The following ABR variants were observed in gnomAD, a reference collection of about 807,000 sequenced individuals.
ABR encodes ABR activator of RhoGEF and GTPase, also known as active breakpoint cluster region-related protein.
ABR carries 35 observed loss-of-function variants against 107.2 expected under a neutral mutation model. The ratio of observed to expected loss-of-function variants is 0.33; its 90% CI spans 0.25 to 0.43. The LOEUF is 0.43. Ranked by LOEUF, ABR falls within the 20% of genes least tolerant of loss-of-function variation. The pLI is 1.00. For synonymous variants in ABR, 498 were observed against 462.0 expected (o/e 1.08, Z -1.00); for missense variants, 815 against 1,115.2 (o/e 0.73, Z 3.83).
chr17:1,109,767 G>A (rs1029738865), intron 2 of ABR, among the ~76,000 whole-genome samples: 3 of 152,072 alleles, frequency 2.0e-5, no homozygotes, highest in Non-Finnish European at 2.9e-5. Flanking sequence ...GGCCTGACCT[G>A]CCCCCAGGCA....
intron 16 of ABR, among the ~76,000 whole-genome samples, chr17:1,048,872 C>A (rs1322980941): frequency 2.6e-5 from 4 of 152,234 alleles, no homozygotes; most frequent in Non-Finnish European, 5.9e-5. Flanking sequence ...GCCCAACGCC[C>A]GAGGCTCAAC....
At chr17:1,180,365 C>T (rs2042094285), upstream of ABR, among the ~76,000 whole-genome samples, 1 of 152,170 alleles carries the variant, frequency 6.6e-6, no homozygotes, top group Non-Finnish European at 1.5e-5. Context: ...GGCCCCTCCC[C>T]AGCCAGACCC....
At position 1,011,694 on chromosome 17, in the gene ABR, G is replaced by A. The variant is rs1054277860; in HGVS notation, c.2101+152C>T. 1.2e-5 allele frequency: 11 copies of A among 904,352 alleles called. No homozygotes were observed. In the African/African-American group the frequency reaches 1.7e-4, roughly 14 times the overall value. The allele number at this position is 904,352 out of a possible 1,614,324, so 56.0% of individuals were successfully genotyped here. ...AAGGGACAAGAGATTGGAGGGGAGG[G>A]GATTACAAGAGAAAGCACTTGCCAC... On this transcript the variant is annotated intron_variant, in intron 19 of 22. Transcript: ENST00000302538. The surrounding 1 kb of genome is among the most constrained non-coding windows in gnomAD (Gnocchi z 4.8).
At chr17:1,067,695 A>G (rs1251789669) in intron 9 of ABR, among the ~76,000 whole-genome samples, 1 of 152,174 alleles carries the variant, frequency 6.6e-6, no homozygotes, top group Non-Finnish European at 1.5e-5. Flanking sequence ...ATGGGTCAAC[A>G]CTGGGTGGAG....
At chr17:1,028,246 A>G (rs1199789569) in intron 16 of ABR, among the ~76,000 whole-genome samples, 9 of 145,550 alleles carry the variant, frequency 6.2e-5, no homozygotes, top group Non-Finnish European at 9.0e-5. Flanking sequence ...GCCCGCCACC[A>G]TGCCCGGCTA....
intron 16 of ABR, among the ~76,000 whole-genome samples, chr17:1,021,579 G>A (rs2071643444): frequency 6.6e-6 from 1 of 152,148 alleles, no homozygotes; most frequent in Admixed American, 6.5e-5. Context: ...GCCGAGGCGG[G>A]CGGATCACAA....
At position 1,078,850 on chromosome 17, in the gene ABR, G is replaced by C. The variant is rs1402852405; in HGVS notation, c.700+480C>G. 2 of 1,535,514 alleles carry C rather than the reference G, an allele frequency of 1.3e-6. No homozygotes were observed. The highest frequency in any genetic ancestry group is 1.7e-6 in the Non-Finnish European group (2 of 1,146,846). ...TTACAGCAGAAGCGAATAATGAGGA[G>C]AATCTCCATGGCAGCCTCTGTCCCC... On this transcript the variant is annotated intron_variant, in intron 6 of 22. Coordinates refer to ENST00000302538, the MANE Select transcript of ABR (RefSeq NM_021962.5). This position sits in a 1 kb window ranked among gnomAD's most constrained non-coding sequence, Gnocchi z 7.5.
chr17:1,027,502 T>G lies in ABR; in HGVS notation c.1792-14338A>C, dbSNP rs1023732882. On this transcript the variant is annotated intron_variant, in intron 16 of 22. Coordinates refer to ENST00000302538, the MANE Select transcript of ABR (RefSeq NM_021962.5). The surrounding 1 kb of genome is among the most constrained non-coding windows in gnomAD (Gnocchi z 4.7). ...GGACTCAAGCAAGCCTCTTGGGAGC[T>G]GGCCTGGCAGAGAGATCAGAGAGTA... 2.0e-5 allele frequency among the ~76,000 whole-genome samples: 3 copies of G among 152,186 alleles called. No homozygotes were observed. Among genetic ancestry groups the G allele is most frequent in the African/African-American group, 7.2e-5 (3 of 41,434 alleles).
rs1323645410 is a variant in ABR, at chr17:1,011,612, G to A, written c.2101+234C>T. 5.0e-6 allele frequency: 2 copies of A among 403,500 alleles called. No individual in the cohort carries two copies. Among genetic ancestry groups the A allele is most frequent in the Admixed American group, 4.1e-5 (1 of 24,434 alleles). The allele number at this position is 403,500 out of a possible 1,614,324, so 25.0% of individuals were successfully genotyped here. ...TCCAGAACCAAAACCTACAAGTTGG[G>A]TCATCCTGGGCAAGTGAGTCGGCCC... is the stretch of plus-strand genomic sequence containing the variant. On this transcript the variant is annotated intron_variant, in intron 19 of 22. Coordinates refer to ENST00000302538, the MANE Select transcript of ABR (RefSeq NM_021962.5). This position sits in a 1 kb window ranked among gnomAD's most constrained non-coding sequence, Gnocchi z 4.8.
At chr17:1,105,173 T>C (rs1003567993) in intron 2 of ABR, among the ~76,000 whole-genome samples, 1 of 152,012 alleles carries the variant, frequency 6.6e-6, no homozygotes, top group Non-Finnish European at 1.5e-5. Flanking sequence ...CACGCCCAGA[T>C]ACTTTTTGTG....
intron 1 of ABR, among the ~76,000 whole-genome samples, chr17:1,132,203 ACACACACACACAAAGACACG>A (rs988408988): frequency 1.1e-4 from 17 of 151,148 alleles, no homozygotes; most frequent in Middle Eastern, 6.9e-3. Context: ...CTCTATGAAC[ACACACACACACAAAGACACG>A]CACACACACA....
At chr17:1,039,025 C>T (rs923142538) in intron 16 of ABR, among the ~76,000 whole-genome samples, 7 of 152,148 alleles carry the variant, frequency 4.6e-5, no homozygotes, top group African/African-American at 1.4e-4. Context: ...AAGGGTCACC[C>T]GAGGTTGGCC....
rs1322306819 is a variant in ABR at position 1,084,046 on chromosome 17, G to A, written c.532-419C>T. On this transcript the variant is annotated intron_variant, in intron 4 of 22. Coordinates refer to ENST00000302538, the MANE Select transcript of ABR (RefSeq NM_021962.5). This position sits in a 1 kb window ranked among gnomAD's most constrained non-coding sequence, Gnocchi z 4.2. ...TGTGTGTGCTGGGGGGAGCTGGCAC[G>A]TGTGGCCTGCTCAGGCCTCCCTCCC... 5.3e-5 allele frequency among the ~76,000 whole-genome samples: 8 copies of A among 152,180 alleles called. No individual in the cohort carries two copies. The highest frequency in any genetic ancestry group is 1.9e-4 in the East Asian group (1 of 5,188).
At chr17:1,102,178 C>T (rs910409599) in intron 2 of ABR, among the ~76,000 whole-genome samples, 1 of 152,176 alleles carries the variant, frequency 6.6e-6, no homozygotes, top group Non-Finnish European at 1.5e-5. Flanking sequence ...GCTCAGTCTC[C>T]CCCACACGCA....
At position 1,004,296 on chromosome 17, in the gene ABR, T is replaced by C. The variant is rs573546112; in HGVS notation, c.*1784A>G. The stretch of plus-strand genomic sequence containing the variant: ...AGGCAGCCGATGGTCAGTACTTCCT[T>C]CCTCTTGGGCATGTCTTTCCTCCGT... On this transcript the variant is annotated 3_prime_UTR_variant, in exon 23 of 23. Transcript: ENST00000302538. The C allele has an allele frequency of 1.3e-3, 199 of 152,532 alleles. No homozygotes were observed. Among genetic ancestry groups the C allele is most frequent in the Non-Finnish European group, 2.5e-3 (167 of 68,052 alleles). The allele number at this position is 152,532 out of a possible 1,614,324, so 9.4% of individuals were successfully genotyped here.
At chr17:1,195,234 A>G (rs928689712) in intron 1 of ABR, among the ~76,000 whole-genome samples, 184 of 137,870 alleles carry the variant, frequency 1.3e-3, no homozygotes, top group African/African-American at 4.0e-3. Flanking sequence ...GTGAACCCGG[A>G]AGGCGGAGCT....
At chr17:1,038,029 C>T (rs1282281118) in intron 16 of ABR, among the ~76,000 whole-genome samples, 1 of 152,172 alleles carries the variant, frequency 6.6e-6, no homozygotes, top group East Asian at 1.9e-4. Flanking sequence ...CCCTGCCCAC[C>T]TCGTCGGATA....
intron 1 of ABR, among the ~76,000 whole-genome samples, chr17:1,186,322 A>G (rs904265413): frequency 6.6e-6 from 1 of 152,212 alleles, no homozygotes. Flanking sequence ...TCTACAGGCA[A>G]CAGAGGTGAA....
chr17:1,122,159 TC>T (rs1328754075), intron 2 of ABR, among the ~76,000 whole-genome samples: 19 of 152,340 alleles, frequency 1.2e-4, no homozygotes, highest in Admixed American at 1.0e-3. Context: ...TGCCTCAGTC[TC>T]CCAGAGTGCT....
Sources: allele counts gnomAD v4.1 joint callset (sites outside exome capture counted in the v4.1 genomes callset), GRCh38; gene constraint gnomAD v4.1.1; non-coding constraint Gnocchi (gnomAD v3.1); transcripts MANE v1.5; gene names NCBI Gene and HGNC (gene_info 2026-07-23, HGNC 2026-07-21).